RSPH14: variants seen among roughly 807,000 people sequenced by gnomAD.
The protein encoded by RSPH14 is rhabdoid tumor deletion region gene 1.
Under a neutral mutation model 26.7 loss-of-function variants are expected in RSPH14, and 20 were observed. That is an observed-to-expected ratio of 0.75 (90% confidence interval 0.53 to 1.09). The LOEUF (loss-of-function observed/expected upper bound fraction) is 1.09. Among genes scored for constraint, RSPH14 ranks in the 50% least tolerant of loss-of-function variants. The pLI, the probability that RSPH14 is intolerant of heterozygous loss-of-function variation, is 0.00. For missense variants in RSPH14, 449 were observed against 457.2 expected, an observed-to-expected ratio of 0.98 and a Z score of 0.16; for synonymous variants, 177 against 189.3, an observed-to-expected ratio of 0.93 and a Z score of 0.53.
chr22:23,161,464 C>T, the RSPH14 span: 778,145 of 1,551,242 alleles, frequency 0.5, 196,926 homozygotes, highest in East Asian at 0.63. Flanking sequence ...TACAGGATTC[C>T]TGGTTGATGC....
intron 4 of RSPH14, among the ~76,000 whole-genome samples, chr22:23,087,158 C>T (rs1488758770): frequency 2.0e-5 from 3 of 152,104 alleles, no homozygotes; most frequent in African/African-American, 7.2e-5. Context: ...GAGTTGGGGG[C>T]AGCACCCACT....
At chr22:23,132,072 T>C (rs2070369842) in intron 4 of RSPH14, among the ~76,000 whole-genome samples, 1 of 152,204 alleles carries the variant, frequency 6.6e-6, no homozygotes, top group African/African-American at 2.4e-5. Flanking sequence ...CCTTGAATGT[T>C]TGCACTCCAT....
At chr22:23,131,418 G>A (rs1263657679) in intron 4 of RSPH14, 2 of 263,220 alleles carry the variant, frequency 7.6e-6, no homozygotes, top group Non-Finnish European at 1.5e-5. Context: ...CTGGGTGGGG[G>A]GAGGTTCACA....
intron 4 of RSPH14, among the ~76,000 whole-genome samples, chr22:23,065,836 G>A (rs1206423417): frequency 6.6e-6 from 1 of 152,152 alleles, no homozygotes; most frequent in East Asian, 1.9e-4. Context: ...AGGCTGAGGA[G>A]TAGGATACAA....
At chr22:23,111,040 C>A (rs1316535874) in intron 4 of RSPH14, among the ~76,000 whole-genome samples, 3 of 152,206 alleles carry the variant, frequency 2.0e-5, no homozygotes, top group African/African-American at 7.2e-5. Flanking sequence ...GGTAGGATAG[C>A]ACTGGGATTC....
In RSPH14 at chr22:23,059,652, GTCATGGGGGAGTGCAGCAGC is replaced by G. The variant is rs2068048875; in HGVS notation, c.837_856del (p.Glu279AspfsTer74). On this transcript the variant is annotated frameshift_variant, in exon 7 of 7. Transcript: ENST00000216036. LOFTEE classifies it low-confidence loss of function (END_TRUNC). ...CTTGGTGGCATTCAGGCGCGCTATG[GTCATGGGGGAGTGCAGCAGC>G]TCCAGGAGCAGGCCGATGGCTTGTG... is the stretch of plus-strand genomic sequence containing the variant. 2.5e-6 allele frequency: 4 copies of G among 1,593,976 alleles called. No individual in the cohort carries two copies. Among genetic ancestry groups the G allele is most frequent in the Non-Finnish European group, 3.4e-6 (4 of 1,168,680 alleles).
chr22:23,133,961 C>T, intron 4 of RSPH14, 65 bp downstream of exon 4: 3 of 1,105,540 alleles, frequency 2.7e-6, no homozygotes, highest in Non-Finnish European at 2.8e-6. Context: ...ACATATGTGA[C>T]CTGGAGAGGA....
At chr22:23,175,335 G>T in the RSPH14 span, among the ~76,000 whole-genome samples, 1 of 146,910 alleles carries the variant, frequency 6.8e-6, no homozygotes, top group Non-Finnish European at 1.5e-5. Context: ...AAGATAGGTG[G>T]GTTGGCTTGT....
chr22:23,140,392 A>G lies in RSPH14; in HGVS notation c.29T>C (p.Leu10Pro). 1 of 1,614,204 alleles carries G rather than the reference A, an allele frequency of 6.2e-7. No homozygotes were observed. The highest frequency in any genetic ancestry group is 8.5e-7 in the Non-Finnish European group (1 of 1,180,030). Residue 10 changes from leucine (L) to proline (P), a missense_variant, in exon 2 of 7, where the codon CTT (leucine) becomes CCT (proline). By Grantham distance (98) the Leu-to-Pro change is moderately conservative. Transcript: ENST00000216036. MAHSQNSLELPININATQIT... is the reference protein window; with the variant it reads MAHSQNSLEPPININATQIT... Reference sequence around the variant, plus strand: ...CTGGGTGGCATTGATGTTAATGGGAAGCTCCAAGGAGTTCTGGGAATGGGC... The same window carrying G: ...CTGGGTGGCATTGATGTTAATGGGAGGCTCCAAGGAGTTCTGGGAATGGGC...
chr22:23,135,459 TCCAG>T (rs1269793525), intron 3 of RSPH14, among the ~76,000 whole-genome samples: 11 of 150,642 alleles, frequency 7.3e-5, no homozygotes, highest in African/African-American at 2.7e-4. Context: ...ACAACTGCGC[TCCAG>T]CCTGGGTGAC....
At chr22:23,079,526 G>A (rs1031143110) in intron 4 of RSPH14, among the ~76,000 whole-genome samples, 57 of 152,192 alleles carry the variant, frequency 3.7e-4, no homozygotes, top group Non-Finnish European at 1.6e-4. Flanking sequence ...TGCCCTGGCT[G>A]GACTTTGACT....
chr22:23,167,615 G>A, the RSPH14 span, among the ~76,000 whole-genome samples: 1 of 152,338 alleles, frequency 6.6e-6, no homozygotes, highest in South Asian at 2.1e-4. Context: ...GAGAACTCAG[G>A]TCACCTACAA....
At chr22:23,075,039 A>G (rs2068476201) in intron 4 of RSPH14, among the ~76,000 whole-genome samples, 1 of 152,212 alleles carries the variant, frequency 6.6e-6, no homozygotes, top group Admixed American at 6.5e-5. Flanking sequence ...CCAGAACAGC[A>G]ACAGCAGAGC....
intron 4 of RSPH14, among the ~76,000 whole-genome samples, chr22:23,065,534 CAAAAAAAAA>C (rs10562943): frequency 0.21 from 9,457 of 45,036 alleles, 531 homozygotes; most frequent in Middle Eastern, 0.47. Context: ...GCACAGATTG[CAAAAAAAAA>C]AAAAAAAAAA....
chr22:23,085,377 C>T (rs1020065599), intron 4 of RSPH14, among the ~76,000 whole-genome samples: 6 of 152,192 alleles, frequency 3.9e-5, no homozygotes, highest in Non-Finnish European at 7.3e-5. Context: ...CAAGCAGGGC[C>T]ACACACAGTG....
intron 4 of RSPH14, among the ~76,000 whole-genome samples, chr22:23,100,296 C>A (rs2069259468): frequency 6.6e-6 from 1 of 152,224 alleles, no homozygotes; most frequent in Non-Finnish European, 1.5e-5. Context: ...GCAGCAGTTC[C>A]CAGCAGTGTC....
intron 4 of RSPH14, among the ~76,000 whole-genome samples, chr22:23,114,780 G>A (rs1433008752): frequency 5.9e-5 from 9 of 152,314 alleles, no homozygotes; most frequent in Non-Finnish European, 1.0e-4. Context: ...TGGCCACTCC[G>A]CAGCTGCCAC....
the RSPH14 span, among the ~76,000 whole-genome samples, chr22:23,150,639 C>A: frequency 1.3e-5 from 2 of 152,120 alleles, no homozygotes; most frequent in African/African-American, 4.8e-5. Flanking sequence ...GTTAACACAC[C>A]TGCCATATGG....
the RSPH14 span, among the ~76,000 whole-genome samples, chr22:23,150,424 C>T: frequency 6.6e-6 from 1 of 151,826 alleles, no homozygotes; most frequent in Non-Finnish European, 1.5e-5. Flanking sequence ...GCCTCAGCCT[C>T]CCGAGTAGCG....
Sources: gnomAD v4.1 joint callset for allele counts (sites outside exome capture counted in the v4.1 genomes callset) on GRCh38, gnomAD v4.1.1 for gene constraint, MANE v1.5 for transcripts, NCBI Gene and HGNC (gene_info 2026-07-23, HGNC 2026-07-21) for gene names.